The following ANGPTL5 variants were observed in gnomAD, a reference collection of about 807,000 sequenced individuals.
ANGPTL5 encodes the protein angiopoietin like 5.
Under a neutral mutation model 39.4 loss-of-function variants are expected in ANGPTL5, and 34 were observed. The observed-to-expected ratio is 0.86, with a 90% CI of 0.66 to 1.15. The LOEUF (loss-of-function observed/expected upper bound fraction) is 1.15, where lower values mean the gene tolerates loss of function less well. Ranked by LOEUF, ANGPTL5 falls within the 50% of genes most tolerant of loss-of-function variation. The probability of loss-of-function intolerance (pLI) is 0.00; values close to 1 mark genes in which losing one functional copy is unlikely to be tolerated. For missense variants in ANGPTL5, 467 were observed against 457.5 expected (o/e 1.02, Z -0.19); for synonymous variants, 146 against 152.1 (o/e 0.96, Z 0.29).
rs372836645 is a variant in ANGPTL5, at chr11:101,911,894, C to A, written c.-92-3893G>T. 1.1e-4 allele frequency among the ~76,000 whole-genome samples: 16 copies of A among 152,298 alleles called. No homozygotes were observed. The South Asian group carries it at 2.5e-3, about 24-fold the overall frequency. Reference sequence around the variant, plus strand: ...CCTCACAGTCTTCTGTACTCACAGACCCCTGTGCCCTTATTCTTCATCCAG... The same window carrying A: ...CCTCACAGTCTTCTGTACTCACAGAACCCTGTGCCCTTATTCTTCATCCAG... On this transcript the variant is annotated intron_variant, in intron 1 of 8. Coordinates refer to ENST00000334289, the MANE Select transcript of ANGPTL5 (RefSeq NM_178127.5).
intron 7 of ANGPTL5, among the ~76,000 whole-genome samples, chr11:101,896,549 C>T (rs1387442241): frequency 6.6e-6 from 1 of 152,122 alleles, no homozygotes; most frequent in African/African-American, 2.4e-5. Flanking sequence ...ATGTTCCCCT[C>T]CTTGTGTCCA....
At chr11:101,897,482 G>GT (rs1331210505) in intron 7 of ANGPTL5, among the ~76,000 whole-genome samples, 3 of 152,166 alleles carry the variant, frequency 2.0e-5, no homozygotes, top group African/African-American at 7.2e-5. Context: ...GGATTTTATG[G>GT]TTTTAGGTCT....
intron 5 of ANGPTL5, among the ~76,000 whole-genome samples, chr11:101,904,005 G>A (rs78921937): frequency 0.029 from 4,423 of 152,178 alleles, 75 homozygotes; most frequent in Middle Eastern, 0.034. Flanking sequence ...TTACTGATGA[G>A]AAAACATATC....
At chr11:101,892,281 A>C (rs1245902818) in intron 8 of ANGPTL5, among the ~76,000 whole-genome samples, 1 of 152,030 alleles carries the variant, frequency 6.6e-6, no homozygotes, top group Non-Finnish European at 1.5e-5. Context: ...CCCAGTCTGG[A>C]GTGGAATTGC....
At chr11:101,911,747 A>G (rs1940095703) in intron 1 of ANGPTL5, among the ~76,000 whole-genome samples, 1 of 152,164 alleles carries the variant, frequency 6.6e-6, no homozygotes, top group African/African-American at 2.4e-5. Flanking sequence ...TTTTCTTTAT[A>G]AATTACCGAC....
intron 8 of ANGPTL5, among the ~76,000 whole-genome samples, chr11:101,892,675 G>A (rs1238500515): frequency 6.6e-6 from 1 of 152,164 alleles, no homozygotes; most frequent in Non-Finnish European, 1.5e-5. Context: ...AAGATTCTAA[G>A]TAAACCCATA....
chr11:101,904,205 C>G (rs979462953), intron 5 of ANGPTL5, among the ~76,000 whole-genome samples: 7 of 152,060 alleles, frequency 4.6e-5, no homozygotes, highest in Non-Finnish European at 1.0e-4. Flanking sequence ...TGTTTATTGT[C>G]TTCTTTTTCG....
chr11:101,911,241 C>T (rs1158191299), intron 1 of ANGPTL5, among the ~76,000 whole-genome samples: 5 of 150,818 alleles, frequency 3.3e-5, no homozygotes, highest in East Asian at 3.9e-4. Context: ...CTCCTTCCTC[C>T]GCCTCCCAAG....
At chr11:101,908,547 G>A (rs1488917660) in intron 1 of ANGPTL5, among the ~76,000 whole-genome samples, 1 of 152,128 alleles carries the variant, frequency 6.6e-6, no homozygotes, top group Non-Finnish European at 1.5e-5. Flanking sequence ...GGGAGGCTGA[G>A]GTAGGTGGAT....
rs1303672410 is a variant in ANGPTL5 at position 101,912,685 on chromosome 11, CTG to C, written c.-93+3332_-93+3333del. Among the ~76,000 whole-genome samples, 3 of 152,158 alleles carry C rather than the reference CTG, an allele frequency of 2.0e-5. No homozygotes were observed. In the East Asian group the frequency reaches 5.8e-4, roughly 29 times the overall value. On this transcript the variant is annotated intron_variant, in intron 1 of 8. Coordinates refer to ENST00000334289, the MANE Select transcript of ANGPTL5 (RefSeq NM_178127.5). ...TGAAGAATAATTATATAAGTCTAAA[CTG>C]AAATAAAATCCTAAGCCCCCACTGA...
intron 2 of ANGPTL5, among the ~76,000 whole-genome samples, 188 bp downstream of exon 2, chr11:101,907,626 C>A (rs1187393261): frequency 6.6e-6 from 1 of 151,950 alleles, no homozygotes; most frequent in Non-Finnish European, 1.5e-5. Context: ...TTGAATCAAT[C>A]CTCAGTTTAT....
chr11:101,902,837 A>G, intron 5 of ANGPTL5, 116 bp from the exon 6 acceptor site: 1 of 643,440 alleles, frequency 1.6e-6, no homozygotes, highest in East Asian at 2.9e-5. Context: ...TATTATTTTA[A>G]CTTCTTCAAA....
intron 1 of ANGPTL5, among the ~76,000 whole-genome samples, chr11:101,912,592 TA>T (rs1022461796): frequency 4.4e-4 from 67 of 152,256 alleles, no homozygotes; most frequent in Admixed American, 1.0e-3. Flanking sequence ...AACCTATGAT[TA>T]AAAAAACTGG....
chr11:101,893,945 T>C (rs900152706), intron 8 of ANGPTL5, among the ~76,000 whole-genome samples: 8 of 152,214 alleles, frequency 5.3e-5, no homozygotes, highest in Non-Finnish European at 1.2e-4. Context: ...GGTTCTCAAC[T>C]ACAAGTATGC....
chr11:101,894,322 A>T (rs1370057031), intron 8 of ANGPTL5, among the ~76,000 whole-genome samples: 1 of 152,244 alleles, frequency 6.6e-6, no homozygotes, highest in Non-Finnish European at 1.5e-5. Flanking sequence ...CATTTTCAGC[A>T]TTAAAATGCA....
In ANGPTL5 at chr11:101,907,857, A is replaced by C. The variant is rs759368494; in HGVS notation, c.53T>G (p.Ile18Ser). Reference protein sequence around the residue: ...SLLFLNVCIFICGEAVQGNCV... With the variant: ...SLLFLNVCIFSCGEAVQGNCV... Reference sequence around the variant, plus strand: ...GTTACCTTGTACAGCTTCTCCACAAATAAAAATACATACATTTAAGAATAA... The same window carrying C: ...GTTACCTTGTACAGCTTCTCCACAACTAAAAATACATACATTTAAGAATAA... The change falls in exon 2 of 9, where the codon ATT becomes AGT. Residue 18 changes from isoleucine to serine, a missense_variant. Transcript: ENST00000334289. 2.5e-6 allele frequency: 4 copies of C among 1,611,106 alleles called. No individual in the cohort carries two copies. The highest frequency in any genetic ancestry group is 2.2e-5 in the East Asian group (1 of 44,720).
chr11:101,908,127 T>G (rs1459144537), intron 1 of ANGPTL5, 126 bp from the exon 2 acceptor site: 2 of 440,166 alleles, frequency 4.5e-6, no homozygotes, highest in African/African-American at 2.0e-5. Context: ...ATTGTACAAT[T>G]CCTTTTTTAT....
In ANGPTL5 at chr11:101,895,016, T is replaced by C. The variant is rs771225147; in HGVS notation, c.710A>G (p.Lys237Arg). ...LKKIFYIVNQ[K>R]NTSFMLYVAL... ...CACATACAGCATAAAACTGGTATTT[T>C]TCTGATTTACTATATAAAAAATCTT... The change falls in exon 8 of 9, where the codon AAA becomes AGA. Residue 237 changes from lysine (K) to arginine (R), a missense_variant. Transcript: ENST00000334289. 1 of 1,608,272 alleles carries C rather than the reference T, an allele frequency of 6.2e-7. No individual in the cohort carries two copies. Among genetic ancestry groups the C allele is most frequent in the South Asian group, 1.1e-5 (1 of 89,608 alleles).
At chr11:101,909,468 A>G (rs575336604) in intron 1 of ANGPTL5, among the ~76,000 whole-genome samples, 25 of 152,254 alleles carry the variant, frequency 1.6e-4, no homozygotes, top group Non-Finnish European at 2.9e-4. Flanking sequence ...TGCGGACAAT[A>G]TTGATGACTT....
Sources: allele counts gnomAD v4.1 joint callset (sites outside exome capture counted in the v4.1 genomes callset), GRCh38; gene constraint gnomAD v4.1.1; transcripts MANE v1.5; gene names NCBI Gene and HGNC (gene_info 2026-07-23, HGNC 2026-07-21).